CORO2B: variants seen among roughly 807,000 people sequenced by gnomAD.
The protein encoded by CORO2B is coronin 2B.
CORO2B carries 26 observed loss-of-function variants against 58.8 expected under a neutral mutation model. That is an observed-to-expected ratio of 0.44 (90% CI 0.32 to 0.61). The LOEUF is 0.61. CORO2B is among the 20% of genes least tolerant of loss of function. CORO2B has a pLI of 0.04. For missense variants in CORO2B, 460 were observed against 645.1 expected (o/e 0.71, Z 3.11); for synonymous variants, 242 against 253.8 (o/e 0.95, Z 0.44).
At chr15:68,537,158 G>A in the CORO2B span, among the ~76,000 whole-genome samples, 4 of 152,236 alleles carry the variant, frequency 2.6e-5, no homozygotes, top group African/African-American at 9.6e-5. Flanking sequence ...ACCTTGGCCT[G>A]TAAATCTTAG....
At chr15:68,592,517 G>T (rs1899732434) in intron 1 of CORO2B, among the ~76,000 whole-genome samples, 1 of 152,166 alleles carries the variant, frequency 6.6e-6, no homozygotes, top group South Asian at 2.1e-4. Context: ...ATAAAAATCT[G>T]TCAAGGCAAA....
intron 1 of CORO2B, among the ~76,000 whole-genome samples, chr15:68,626,019 G>A (rs1566988690): frequency 6.6e-6 from 1 of 152,172 alleles, no homozygotes; most frequent in Non-Finnish European, 1.5e-5. Flanking sequence ...TCTTCCTGGG[G>A]TAATTTAATT....
intron 3 of CORO2B, among the ~76,000 whole-genome samples, chr15:68,698,319 C>A (rs1325459779): frequency 6.6e-6 from 1 of 152,162 alleles, no homozygotes; most frequent in Admixed American, 6.5e-5. Context: ...GTAGGGGGGA[C>A]AAATTAGACC....
At chr15:68,590,516 C>T (rs915198753) in intron 1 of CORO2B, among the ~76,000 whole-genome samples, 3 of 152,020 alleles carry the variant, frequency 2.0e-5, no homozygotes, top group Non-Finnish European at 4.4e-5. Flanking sequence ...CTGGCTGCAC[C>T]GCCCCATGCA....
chr15:68,558,368 C>G, the CORO2B span, among the ~76,000 whole-genome samples: 1 of 151,904 alleles, frequency 6.6e-6, no homozygotes, highest in Admixed American at 6.6e-5. Flanking sequence ...CTCCCTTCCC[C>G]CTCACCATTT....
In CORO2B at chr15:68,645,157, C is replaced by G. The variant is rs957650502; in HGVS notation, c.16-3C>G. On this transcript the variant is annotated splice_region_variant and splice_polypyrimidine_tract_variant and intron_variant, in intron 1 of 11. Coordinates refer to ENST00000261861, the MANE Select transcript of CORO2B (RefSeq NM_006091.5). The surrounding 1 kb of genome is among the most constrained non-coding windows in gnomAD (Gnocchi z 4.5). ...GACCCTTGTCTCTCCTGGCCCCTCA[C>G]AGATGTCCTGGCGTCCGCAATACCG... 6.2e-7 allele frequency: 1 copy of G among 1,613,714 alleles called. No individual in the cohort carries two copies. Among genetic ancestry groups the G allele is most frequent in the African/African-American group, 1.3e-5 (1 of 74,940 alleles).
At chr15:68,638,491 G>A (rs1008633453) in intron 1 of CORO2B, among the ~76,000 whole-genome samples, 1 of 152,200 alleles carries the variant, frequency 6.6e-6, no homozygotes, top group African/African-American at 2.4e-5. Context: ...ACAAGTAGCA[G>A]AGCCAAGATA....
At chr15:68,664,465 G>A (rs1298890109) in intron 2 of CORO2B, among the ~76,000 whole-genome samples, 3 of 152,080 alleles carry the variant, frequency 2.0e-5, no homozygotes, top group Non-Finnish European at 2.9e-5. Context: ...GGCTAACACA[G>A]TGAAACTCCA....
At chr15:68,700,015 G>T (rs1053103809) in intron 3 of CORO2B, among the ~76,000 whole-genome samples, 3 of 152,200 alleles carry the variant, frequency 2.0e-5, no homozygotes, top group African/African-American at 7.2e-5. Flanking sequence ...GGGGTGGGGC[G>T]TAAAGGAAAT....
At chr15:68,652,517 C>G (rs957785054) in intron 2 of CORO2B, among the ~76,000 whole-genome samples, 1 of 152,190 alleles carries the variant, frequency 6.6e-6, no homozygotes. Flanking sequence ...GCTACCCCAA[C>G]TGGCACCTGG....
rs539562544 is a variant in CORO2B at position 68,580,475 on chromosome 15, C to A, written c.15+1198C>A. Among the ~76,000 whole-genome samples, 4 of 152,192 alleles carry A rather than the reference C, an allele frequency of 2.6e-5. No homozygotes were observed. In the South Asian group the frequency reaches 6.2e-4, roughly 24 times the overall value. ...TCTGGTAAGCCAGGGCCTACCCTTG[C>A]CCTCCTGAGGTCTGCCCCAAGACTG... On this transcript the variant is annotated intron_variant, in intron 1 of 11. Transcript: ENST00000261861.
chr15:68,520,136 CTT>C, the CORO2B span, among the ~76,000 whole-genome samples: 1 of 152,128 alleles, frequency 6.6e-6, no homozygotes, highest in Non-Finnish European at 1.5e-5. Context: ...AAAAAACAAA[CTT>C]TGAATCATTT....
chr15:68,552,713 A>C, the CORO2B span, among the ~76,000 whole-genome samples: 1 of 152,066 alleles, frequency 6.6e-6, no homozygotes, highest in Non-Finnish European at 1.5e-5. Flanking sequence ...ATCACTCCTC[A>C]TCATAGAATC....
chr15:68,724,097 G>A (rs566486246), intron 11 of CORO2B, among the ~76,000 whole-genome samples: 1 of 152,286 alleles, frequency 6.6e-6, no homozygotes, highest in South Asian at 2.1e-4. Context: ...AGCTACTCCA[G>A]AGGCTGAAGC....
rs773151303 is a variant in CORO2B at position 68,719,206 on chromosome 15, G to A, written c.1143G>A (p.Pro381=). The A allele has an allele frequency of 2.5e-5, 40 of 1,613,918 alleles. No homozygotes were observed. The highest frequency in any genetic ancestry group is 1.3e-4 in the African/African-American group (10 of 74,920). ...CAGGCACGGAGCCAGCACTGACCCCGGATGAATGGCTGGGAGGCATCAACC... is the reference window on the plus strand; with the variant it reads ...CAGGCACGGAGCCAGCACTGACCCCAGATGAATGGCTGGGAGGCATCAACC... ...MTPGTEPALT[P]DEWLGGINRD... The change falls in exon 10 of 12, where the codon CCG becomes CCA. Residue 381 remains proline (P), a synonymous_variant. Transcript: ENST00000261861.
intron 2 of CORO2B, among the ~76,000 whole-genome samples, chr15:68,683,256 G>T (rs1027707998): frequency 6.6e-6 from 1 of 152,150 alleles, no homozygotes. Context: ...CTGGTGGGGA[G>T]CCTGAAGGAC....
the CORO2B span, among the ~76,000 whole-genome samples, chr15:68,531,848 A>T: frequency 2.7e-5 from 4 of 150,904 alleles, no homozygotes; most frequent in South Asian, 8.4e-4. Flanking sequence ...GTCTACCAGG[A>T]TTGAATTTTA....
At position 68,695,131 on chromosome 15, in the gene CORO2B, C is replaced by T; in HGVS notation, c.217-9C>T. On this transcript the variant is annotated splice_polypyrimidine_tract_variant and intron_variant, in intron 2 of 11. Transcript: ENST00000261861. Reference sequence around the variant, plus strand: ...TCTCCTTCTCTCTCTCTCTCTTTCTCCTCTGCAGACAGGCAGGATTGAACC... The same window carrying T: ...TCTCCTTCTCTCTCTCTCTCTTTCTTCTCTGCAGACAGGCAGGATTGAACC... 6.2e-7 allele frequency: 1 copy of T among 1,607,772 alleles called. No individual in the cohort carries two copies. The highest frequency in any genetic ancestry group is 8.5e-7 in the Non-Finnish European group (1 of 1,174,412).
the CORO2B span, among the ~76,000 whole-genome samples, chr15:68,541,828 C>T: frequency 2.0e-5 from 3 of 152,282 alleles, no homozygotes; most frequent in African/African-American, 7.2e-5. Flanking sequence ...GAGGGAGACC[C>T]TTGGTGGCTC....
Sources: allele counts gnomAD v4.1 joint callset (sites outside exome capture counted in the v4.1 genomes callset), GRCh38; gene constraint gnomAD v4.1.1; non-coding constraint Gnocchi (gnomAD v3.1); transcripts MANE v1.5; gene names NCBI Gene and HGNC (gene_info 2026-07-23, HGNC 2026-07-21).